MYRF: variants seen among roughly 807,000 people sequenced by gnomAD.
MYRF encodes myelin regulatory factor.
In MYRF, 16 loss-of-function variants were observed where a neutral mutation model predicts 126.3. That is an observed-to-expected ratio of 0.13 (90% CI 0.09 to 0.19). The LOEUF is 0.19. Among genes scored for constraint, MYRF ranks in the 10% least tolerant of loss-of-function variants. MYRF has a pLI of 1.00. For missense variants in MYRF, 1,104 were observed against 1,547.0 expected (o/e 0.71, Z 4.80); for synonymous variants, 608 against 635.3 (o/e 0.96, Z 0.65).
Position 61,783,360 on chromosome 11 carries a change from C to T in MYRF, c.3017-138C>T. On this transcript the variant is annotated intron_variant, in intron 22 of 26. Transcript: ENST00000278836. The surrounding 1 kb of genome is among the most constrained non-coding windows in gnomAD (Gnocchi z 4.6). ...AGGAAAGGGTGTAGTGTGATGCTGG[C>T]CATTGTGGAGGTCTGGAAAAAAATA... The T allele has an allele frequency of 1.4e-6, 1 of 696,856 alleles. No homozygotes were observed. Among genetic ancestry groups the T allele is most frequent in the South Asian group, 1.6e-5 (1 of 62,934 alleles). 43.2% of individuals were successfully genotyped at this position (696,856 alleles called of 1,614,324 possible). A position where few individuals can be genotyped will look rare whatever the true frequency, so the allele number is the denominator to read the frequency against.
chr11:61,776,460 G>A lies in MYRF; in HGVS notation c.1499+28G>A. 1 of 1,585,776 alleles carries A rather than the reference G, an allele frequency of 6.3e-7. No individual in the cohort carries two copies. Among genetic ancestry groups the A allele is most frequent in the Non-Finnish European group, 8.6e-7 (1 of 1,161,428 alleles). On this transcript the variant is annotated intron_variant, in intron 10 of 26. Transcript: ENST00000278836. This position sits in a 1 kb window ranked among gnomAD's most constrained non-coding sequence, Gnocchi z 4.3. ...GAGCAGGTGGGGGCCCTGCCCCGGA[G>A]CCCCTCCATTTCTGAGGCAGGAAGA...
At chr11:61,766,933 C>A in intron 3 of MYRF, 1 of 447,258 alleles carries the variant, frequency 2.2e-6, no homozygotes. Flanking sequence ...GGTGCATGAA[C>A]TCTGTGTTCA....
intron 7 of MYRF, 67 bp from the exon 8 acceptor site, chr11:61,773,900 T>C (rs960600395): frequency 7.1e-7 from 1 of 1,406,934 alleles, no homozygotes; most frequent in African/African-American, 1.4e-5. Flanking sequence ...ACCCAGCAGG[T>C]AGGAGGAACC....
intron 1 of MYRF, among the ~76,000 whole-genome samples, chr11:61,759,001 T>C (rs78731252): frequency 1.3e-5 from 2 of 152,372 alleles, no homozygotes; most frequent in East Asian, 3.9e-4. Context: ...TACGTGATCA[T>C]GCGCATGTCA....
In MYRF at chr11:61,752,743, A is replaced by G. The variant is rs897672469; in HGVS notation, c.-2A>G. On this transcript the variant is annotated 5_prime_UTR_variant, in exon 1 of 27. Coordinates refer to ENST00000278836, the MANE Select transcript of MYRF (RefSeq NM_001127392.3). Reference sequence around the variant, plus strand: ...CTGGAGTGTGCGCCGGGCAGGCGGGACATGGAGGTGGTGGACGAGACGGAG... The same window carrying G: ...CTGGAGTGTGCGCCGGGCAGGCGGGGCATGGAGGTGGTGGACGAGACGGAG... The G allele has an allele frequency of 6.8e-7, 1 of 1,467,858 alleles. No individual in the cohort carries two copies. Among genetic ancestry groups the G allele is most frequent in the Non-Finnish European group, 9.0e-7 (1 of 1,114,702 alleles). 90.9% of individuals were successfully genotyped at this position (1,467,858 alleles called of 1,614,324 possible). A position where few individuals can be genotyped will look rare whatever the true frequency, so the allele number is the denominator to read the frequency against.
At position 61,776,416 on chromosome 11, in the gene MYRF, C is replaced by T. The variant is rs1350599568; in HGVS notation, c.1483C>T (p.Pro495Ser). The change falls in exon 10 of 27, where the codon CCC becomes TCC. Residue 495 changes from proline to serine, a missense_variant. Physicochemically the swap from Pro to Ser is moderately conservative, Grantham distance 74. Coordinates refer to ENST00000278836, the MANE Select transcript of MYRF (RefSeq NM_001127392.3). This position sits in a 1 kb window ranked among gnomAD's most constrained non-coding sequence, Gnocchi z 4.3. ...TANNMRKKGK[P>S]NPDQRYFMLV... is the part of the protein sequence containing the mutation. ...TAACAACATGCGTAAGAAGGGCAAG[C>T]CCAACCCGGACCAGAGGTGAGCAGG... 6.2e-7 allele frequency: 1 copy of T among 1,612,658 alleles called. No individual in the cohort carries two copies.
chr11:61,769,171 T>G, intron 3 of MYRF, 89 bp from the exon 4 acceptor site: 1 of 736,108 alleles, frequency 1.4e-6, no homozygotes, highest in Non-Finnish European at 2.3e-6. Context: ...TCTGGGGGGC[T>G]GTGGGACCCT....
intron 3 of MYRF, 150 bp downstream of exon 3, chr11:61,766,371 A>G: frequency 2.4e-6 from 2 of 834,974 alleles, no homozygotes; most frequent in Non-Finnish European, 3.6e-6. Flanking sequence ...GGAAGGGAGG[A>G]TGAGTCCAGG....
chr11:61,784,597 C>T (rs1242467143), intron 25 of MYRF: 6 of 561,286 alleles, frequency 1.1e-5, no homozygotes, highest in Non-Finnish European at 1.6e-5. Flanking sequence ...ATCTCCCAGC[C>T]CTGCCGTGCT....
At chr11:61,769,464 C>T in intron 4 of MYRF, 143 bp downstream of exon 4, 2 of 675,610 alleles carry the variant, frequency 3.0e-6, no homozygotes, top group Non-Finnish European at 5.2e-6. Context: ...CTCCCTGGCG[C>T]TTGGCTATTG....
intron 16 of MYRF, 56 bp from the exon 17 acceptor site, chr11:61,779,786 G>A: frequency 4.6e-6 from 7 of 1,530,196 alleles, no homozygotes; most frequent in Non-Finnish European, 4.5e-6. Context: ...AGAGCCCACT[G>A]GGGACAGCCT....
intron 1 of MYRF, among the ~76,000 whole-genome samples, chr11:61,763,754 A>T (rs1437340698): frequency 6.6e-6 from 1 of 151,690 alleles, no homozygotes; most frequent in Non-Finnish European, 1.5e-5. Context: ...AATCTCAGCT[A>T]CTCGGGAGGC....
At position 61,786,011 on chromosome 11, in the gene MYRF, T is replaced by A; in HGVS notation, c.3376-52T>A. The A allele has an allele frequency of 6.3e-7, 1 of 1,581,200 alleles. No homozygotes were observed. The highest frequency in any genetic ancestry group is 8.7e-7 in the Non-Finnish European group (1 of 1,150,058). On this transcript the variant is annotated intron_variant, in intron 26 of 26. Coordinates refer to ENST00000278836, the MANE Select transcript of MYRF (RefSeq NM_001127392.3). This position sits in a 1 kb window ranked among gnomAD's most constrained non-coding sequence, Gnocchi z 4.5. Reference sequence around the variant, plus strand: ...CAAGCAATGTCAGCAGGGAGTGCCATCTGCCCCGCACCCCCAGAGCCACCT... The same window carrying A: ...CAAGCAATGTCAGCAGGGAGTGCCAACTGCCCCGCACCCCCAGAGCCACCT...
In MYRF at chr11:61,777,560, C is replaced by T; in HGVS notation, c.1791+96C>T. The stretch of plus-strand genomic sequence containing the variant: ...GAGGGGGCGTGACTACGCGGAAAGG[C>T]GGAGCTGCGGGGGAAGGAAGGGAGG... On this transcript the variant is annotated intron_variant, in intron 12 of 26. Transcript: ENST00000278836. The surrounding 1 kb of genome is among the most constrained non-coding windows in gnomAD (Gnocchi z 8.8). The T allele has an allele frequency of 6.9e-7, 1 of 1,441,944 alleles. No individual in the cohort carries two copies. Among genetic ancestry groups the T allele is most frequent in the Admixed American group, 2.1e-5 (1 of 48,240 alleles). The allele number at this position is 1,441,944 out of a possible 1,614,324, so 89.3% of individuals were successfully genotyped here.
intron 25 of MYRF, chr11:61,785,019 G>C (rs2066657830): frequency 6.5e-6 from 1 of 152,844 alleles, no homozygotes; most frequent in Non-Finnish European, 1.5e-5. Flanking sequence ...ATTGATTGGG[G>C]CCCCATCTGT....
At chr11:61,785,909 G>C in intron 26 of MYRF, 35 bp downstream of exon 26, 1 of 1,605,046 alleles carries the variant, frequency 6.2e-7, no homozygotes, top group Non-Finnish European at 8.5e-7. Context: ...CTGGAGGTCT[G>C]GGCACCCCTG....
rs920552385 is a variant in MYRF at position 61,770,540 on chromosome 11, G to A, written c.740+15G>A. 2 of 1,542,600 alleles carry A rather than the reference G, an allele frequency of 1.3e-6. No homozygotes were observed. The highest frequency in any genetic ancestry group is 8.8e-7 in the Non-Finnish European group (1 of 1,141,416). On this transcript the variant is annotated intron_variant, in intron 5 of 26. Coordinates refer to ENST00000278836, the MANE Select transcript of MYRF (RefSeq NM_001127392.3). ...CACGGAGCTGAGTAAGACGTGGGTG[G>A]CTGGCTCCATGGGGTGGGAAGGTGG...
In MYRF at chr11:61,777,995, G is replaced by T. The variant is rs574771344; in HGVS notation, c.1903+150G>T. 148 of 669,274 alleles carry T rather than the reference G, an allele frequency of 2.2e-4. 2 individuals are homozygous for T. The South Asian group carries it at 2.5e-3, about 11-fold the overall frequency. 41.5% of individuals were successfully genotyped at this position (669,274 alleles called of 1,614,324 possible). On this transcript the variant is annotated intron_variant, in intron 13 of 26. Transcript: ENST00000278836. This position sits in a 1 kb window ranked among gnomAD's most constrained non-coding sequence, Gnocchi z 8.8. ...ATGCCTTCTAGAAGTCCCGCCCCTC[G>T]GACCTTGGAAAATCGCACCTCTCCA...
At chr11:61,759,594 C>A (rs1191755905) in intron 1 of MYRF, among the ~76,000 whole-genome samples, 2 of 152,054 alleles carry the variant, frequency 1.3e-5, no homozygotes, top group Non-Finnish European at 2.9e-5. Flanking sequence ...CACTTGAACT[C>A]AGGAGGCGGA....
Sources: gnomAD v4.1 joint callset for allele counts (sites outside exome capture counted in the v4.1 genomes callset) on GRCh38, gnomAD v4.1.1 for gene constraint, Gnocchi (gnomAD v3.1) non-coding constraint, MANE v1.5 for transcripts, NCBI Gene and HGNC (gene_info 2026-07-23, HGNC 2026-07-21) for gene names.